The following C20orf203 variants were observed in gnomAD, a reference collection of about 807,000 sequenced individuals.
The protein encoded by C20orf203 is uncharacterized protein C20orf203.
In C20orf203, 16 loss-of-function variants were observed where a neutral mutation model predicts 15.9. That is an observed-to-expected ratio of 1.01 (90% CI 0.68 to 1.53). The LOEUF (loss-of-function observed/expected upper bound fraction) is 1.53, where lower values mean the gene tolerates loss of function less well. Ranked by LOEUF, C20orf203 falls within the 40% of genes most tolerant of loss-of-function variation. C20orf203 has a pLI of 0.00. For missense variants in C20orf203, 263 were observed against 247.5 expected, an observed-to-expected ratio of 1.06 and a Z score of -0.42; for synonymous variants, 98 against 97.2, an observed-to-expected ratio of 1.01 and a Z score of -0.05.
At chr20:32,659,599 T>C (rs1982843278) in intron 1 of C20orf203, among the ~76,000 whole-genome samples, 1 of 152,272 alleles carries the variant, frequency 6.6e-6, no homozygotes, top group African/African-American at 2.4e-5. Context: ...TCTTTGAGAC[T>C]GGACCTGGCT....
At chr20:32,660,924 A>T (rs1389481409) in intron 1 of C20orf203, among the ~76,000 whole-genome samples, 2 of 152,174 alleles carry the variant, frequency 1.3e-5, no homozygotes, top group East Asian at 3.8e-4. Flanking sequence ...TGAACTCACT[A>T]TCATGAGAAC....
At chr20:32,663,151 T>C (rs942923539) in intron 1 of C20orf203, among the ~76,000 whole-genome samples, 1 of 151,974 alleles carries the variant, frequency 6.6e-6, no homozygotes, top group Non-Finnish European at 1.5e-5. Context: ...GGTTTCACCA[T>C]GTTGGCCAGG....
At chr20:32,637,762 T>C (rs1048381770) in intron 5 of C20orf203, among the ~76,000 whole-genome samples, 1 of 152,230 alleles carries the variant, frequency 6.6e-6, no homozygotes, top group Non-Finnish European at 1.5e-5. Context: ...AATGAATCCT[T>C]GCTTTCCTGC....
At chr20:32,659,700 G>C (rs902582347) in intron 1 of C20orf203, among the ~76,000 whole-genome samples, 5 of 152,210 alleles carry the variant, frequency 3.3e-5, no homozygotes, top group Admixed American at 2.0e-4. Context: ...CTGAGAATGA[G>C]AGGGGAAGGC....
At position 32,650,833 on chromosome 20, in the gene C20orf203, C is replaced by T. The variant is rs778661181; in HGVS notation, c.184G>A (p.Gly62Ser). Residue 62 changes from glycine to serine, a missense_variant, in exon 4 of 6, where the codon GGT (glycine) becomes AGT (serine). Gly to Ser is a moderately conservative substitution (Grantham distance 56). Coordinates refer to ENST00000608990, the MANE Select transcript of C20orf203 (RefSeq NM_182584.4). Reference protein sequence around the residue: ...GLTAHLWDLGGGAGRRTSKAQ... With the variant: ...GLTAHLWDLGSGAGRRTSKAQ... ...TTTGAGGTCCTCCTTCCCGCCCCACCGCCAAGGTCCCAGAGGTGGGCAGTG... is the reference window on the plus strand; with the variant it reads ...TTTGAGGTCCTCCTTCCCGCCCCACTGCCAAGGTCCCAGAGGTGGGCAGTG... 300 of 1,471,266 alleles carry T rather than the reference C, an allele frequency of 2.0e-4. No individual in the cohort carries two copies. Among genetic ancestry groups the T allele is most frequent in the Non-Finnish European group, 2.5e-4 (278 of 1,108,826 alleles). The allele number at this position is 1,471,266 out of a possible 1,614,324, so 91.1% of individuals were successfully genotyped here. A position where few individuals can be genotyped will look rare whatever the true frequency, so the allele number is the denominator to read the frequency against.
At chr20:32,648,348 C>T (rs867250071) in intron 4 of C20orf203, among the ~76,000 whole-genome samples, 3 of 151,860 alleles carry the variant, frequency 2.0e-5, no homozygotes, top group South Asian at 2.1e-4. Flanking sequence ...CCACCCCTCC[C>T]GAAATGCCCC....
chr20:32,662,926 T>C (rs1568754583), intron 1 of C20orf203, among the ~76,000 whole-genome samples: 2 of 142,986 alleles, frequency 1.4e-5, no homozygotes. Flanking sequence ...TAGATATATA[T>C]ATATAGATAG....
chr20:32,648,336 G>A (rs1982493172), intron 4 of C20orf203, among the ~76,000 whole-genome samples: 1 of 151,190 alleles, frequency 6.6e-6, no homozygotes, highest in South Asian at 2.1e-4. Context: ...GGCTCTCCTG[G>A]ACCACCCCTC....
chr20:32,641,099 G>T (rs374431699), intron 4 of C20orf203, among the ~76,000 whole-genome samples: 291 of 152,130 alleles, frequency 1.9e-3, no homozygotes, highest in African/African-American at 6.7e-3. Flanking sequence ...TGGTCGGATT[G>T]CTTGAGGCCA....
intron 1 of C20orf203, among the ~76,000 whole-genome samples, chr20:32,670,063 A>G (rs1323775354): frequency 6.6e-6 from 1 of 152,172 alleles, no homozygotes; most frequent in Non-Finnish European, 1.5e-5. Flanking sequence ...TTAGCTGGGC[A>G]TGGTGGCGTG....
chr20:32,650,394 G>C lies in C20orf203; in HGVS notation c.*38C>G. ...AGGTGGTGGTGGCCTTGGTAGGACA[G>C]GCAGGCAGAGCTGGGGGTGGGGGCG... On this transcript the variant is annotated 3_prime_UTR_variant, in exon 4 of 6. Transcript: ENST00000608990. 1 of 1,452,408 alleles carries C rather than the reference G, an allele frequency of 6.9e-7. No homozygotes were observed. The highest frequency in any genetic ancestry group is 9.4e-7 in the Non-Finnish European group (1 of 1,065,114). 90.0% of individuals were successfully genotyped at this position (1,452,408 alleles called of 1,614,324 possible). A position where few individuals can be genotyped will look rare whatever the true frequency, so the allele number is the denominator to read the frequency against.
intron 1 of C20orf203, among the ~76,000 whole-genome samples, chr20:32,666,970 A>G (rs971109058): frequency 1.5e-4 from 22 of 151,280 alleles, no homozygotes; most frequent in Admixed American, 8.0e-4. Context: ...ATATAATCCA[A>G]TGTAACTAAA....
intron 4 of C20orf203, among the ~76,000 whole-genome samples, chr20:32,648,421 A>G (rs894620468): frequency 7.0e-6 from 1 of 143,410 alleles, no homozygotes; most frequent in African/African-American, 2.6e-5. Context: ...CCATTGCCTG[A>G]AACTGTCTTT....
intron 1 of C20orf203, among the ~76,000 whole-genome samples, chr20:32,658,130 A>T (rs1040864692): frequency 3.9e-5 from 6 of 152,102 alleles, no homozygotes; most frequent in Non-Finnish European, 8.8e-5. Flanking sequence ...TGAGGTCAGG[A>T]GTTTAAGACC....
At chr20:32,644,069 C>T (rs1017196347) in intron 4 of C20orf203, among the ~76,000 whole-genome samples, 2 of 152,222 alleles carry the variant, frequency 1.3e-5, no homozygotes, top group African/African-American at 4.8e-5. Context: ...CTACCCCGCA[C>T]AGCTGCCTCT....
chr20:32,653,815 G>A (rs528254653), intron 1 of C20orf203, among the ~76,000 whole-genome samples: 9 of 152,288 alleles, frequency 5.9e-5, no homozygotes, highest in African/African-American at 2.2e-4. Flanking sequence ...AATCTTGGTT[G>A]GGAGCAGTGG....
intron 1 of C20orf203, among the ~76,000 whole-genome samples, chr20:32,663,465 T>C (rs1393071939): frequency 6.6e-6 from 1 of 152,154 alleles, no homozygotes; most frequent in Non-Finnish European, 1.5e-5. Flanking sequence ...ATGATTACAA[T>C]TAAAATGCAC....
intron 1 of C20orf203, among the ~76,000 whole-genome samples, chr20:32,653,959 G>T (rs57999113): frequency 0.017 from 2,542 of 151,992 alleles, 68 homozygotes; most frequent in African/African-American, 0.059. Context: ...CAGGCGTGGT[G>T]GTGTGTGCCT....
At chr20:32,672,254 G>A (rs537780943) in intron 1 of C20orf203, among the ~76,000 whole-genome samples, 26 of 152,032 alleles carry the variant, frequency 1.7e-4, no homozygotes, top group African/African-American at 5.5e-4. Context: ...CAGGAGAATC[G>A]CTTGAACCCA....
Sources: gnomAD v4.1 joint callset for allele counts (sites outside exome capture counted in the v4.1 genomes callset) on GRCh38, gnomAD v4.1.1 for gene constraint, MANE v1.5 for transcripts, NCBI Gene and HGNC (gene_info 2026-07-23, HGNC 2026-07-21) for gene names.